Variants in SLC24A4 observed in about 807,000 individuals in gnomAD.
The protein encoded by SLC24A4 is sodium/potassium/calcium exchanger 4.
In SLC24A4, 53 loss-of-function variants were observed where a neutral mutation model predicts 79.0. The ratio of observed to expected loss-of-function variants is 0.67; its 90% confidence interval spans 0.54 to 0.84. The LOEUF is 0.84. Ranked by LOEUF, SLC24A4 falls within the 40% of genes least tolerant of loss-of-function variation. The pLI is 0.00. For synonymous variants in SLC24A4, 323 were observed against 323.8 expected, an observed-to-expected ratio of 1.00 and a Z score of 0.03; for missense variants, 731 against 822.0, an observed-to-expected ratio of 0.89 and a Z score of 1.35.
At chr14:92,351,236 G>GCGCGCA (rs112120101) in intron 2 of SLC24A4, among the ~76,000 whole-genome samples, 1 of 146,986 alleles carries the variant, frequency 6.8e-6, no homozygotes, top group African/African-American at 2.5e-5. Context: ...ACACATACAC[G>GCGCGCA]CACACACACA....
Position 92,323,658 on chromosome 14 carries a change from C to G in SLC24A4, c.-173C>G. 1 of 764,142 alleles carries G rather than the reference C, an allele frequency of 1.3e-6. No individual in the cohort carries two copies. Among genetic ancestry groups the G allele is most frequent in the South Asian group, 2.2e-5 (1 of 45,716 alleles). 47.3% of individuals were successfully genotyped at this position (764,142 alleles called of 1,614,324 possible). On this transcript the variant is annotated 5_prime_UTR_variant, in exon 1 of 17. Coordinates refer to ENST00000532405, the MANE Select transcript of SLC24A4 (RefSeq NM_153646.4). This position sits in a 1 kb window ranked among gnomAD's most constrained non-coding sequence, Gnocchi z 4.9. ...GGCCGCGTCGCGCGTCCCCACCTTC[C>G]CAAGGGGCTCCCCCGCCGACCTCGC...
chr14:92,340,275 G>A lies in SLC24A4; in HGVS notation c.241+14297G>A, dbSNP rs543988906. ...GGAGAGAAATCCCAGTCCTCAGTGA[G>A]CCCACAGGTTAGAGAATGAGGTAAA... On this transcript the variant is annotated intron_variant, in intron 2 of 16. Transcript: ENST00000532405. Among the ~76,000 whole-genome samples, 5 of 152,358 alleles carry A rather than the reference G, an allele frequency of 3.3e-5. No individual in the cohort carries two copies. The South Asian group carries it at 1.0e-3, about 32-fold the overall frequency.
At chr14:92,400,926 A>G (rs1338889876) in intron 2 of SLC24A4, among the ~76,000 whole-genome samples, 1 of 152,228 alleles carries the variant, frequency 6.6e-6, no homozygotes, top group Non-Finnish European at 1.5e-5. Flanking sequence ...GAAAGGCAGA[A>G]GATAAATTTC....
intron 2 of SLC24A4, among the ~76,000 whole-genome samples, chr14:92,351,590 C>T (rs1241508430): frequency 1.3e-5 from 2 of 152,232 alleles, no homozygotes; most frequent in Non-Finnish European, 2.9e-5. Flanking sequence ...GGGGCTGTGG[C>T]TCATGCATGT....
intron 9 of SLC24A4, among the ~76,000 whole-genome samples, chr14:92,448,742 G>A (rs1302802051): frequency 1.3e-5 from 2 of 152,112 alleles, no homozygotes; most frequent in African/African-American, 2.4e-5. Flanking sequence ...TGCCCCCTGC[G>A]AGCCTGCCCA....
chr14:92,377,689 T>C (rs890581217), intron 2 of SLC24A4, among the ~76,000 whole-genome samples: 8 of 152,064 alleles, frequency 5.3e-5, no homozygotes. Flanking sequence ...AGATCAGATA[T>C]GCTGGCTGCT....
chr14:92,493,714 C>CT lies in SLC24A4; in HGVS notation c.*87dup. On this transcript the variant is annotated 3_prime_UTR_variant, in exon 17 of 17. Transcript: ENST00000532405. Reference sequence around the variant, plus strand: ...CCCCTCCTTCCCCCACCACAGGTCTCTCCTGCATAGGCAGCCACTGTCCGT... The same window carrying CT: ...CCCCTCCTTCCCCCACCACAGGTCTCTTCCTGCATAGGCAGCCACTGTCCGT... 2.1e-6 allele frequency: 3 copies of CT among 1,457,324 alleles called. No homozygotes were observed. The highest frequency in any genetic ancestry group is 2.8e-6 in the Non-Finnish European group (3 of 1,072,092). The allele number at this position is 1,457,324 out of a possible 1,614,324, so 90.3% of individuals were successfully genotyped here.
Position 92,351,106 on chromosome 14 carries a change from A to G in SLC24A4, c.241+25128A>G, listed in dbSNP as rs559938680. On this transcript the variant is annotated intron_variant, in intron 2 of 16. Transcript: ENST00000532405. ...CTGTTGTTCATAAGCCACTCAATCTATGGTACTTTGTTACAGCAGCCCAAA... is the reference window on the plus strand; with the variant it reads ...CTGTTGTTCATAAGCCACTCAATCTGTGGTACTTTGTTACAGCAGCCCAAA... Among the ~76,000 whole-genome samples the G allele has an allele frequency of 2.6e-5, 4 of 152,304 alleles. No individual in the cohort carries two copies. The South Asian group carries it at 8.3e-4, about 32-fold the overall frequency.
intron 2 of SLC24A4, among the ~76,000 whole-genome samples, chr14:92,380,963 G>A (rs1431595591): frequency 6.6e-6 from 1 of 152,160 alleles, no homozygotes; most frequent in Middle Eastern, 3.2e-3. Context: ...GTTCAGGAGT[G>A]AACAGCCCTG....
chr14:92,390,210 C>G (rs140314558), intron 2 of SLC24A4, among the ~76,000 whole-genome samples: 1 of 151,998 alleles, frequency 6.6e-6, no homozygotes, highest in Admixed American at 6.6e-5. Flanking sequence ...GGTGTCTCCC[C>G]GCCAGGGCTG....
chr14:92,354,230 G>A (rs1235641961), intron 2 of SLC24A4, among the ~76,000 whole-genome samples: 8 of 151,360 alleles, frequency 5.3e-5, no homozygotes, highest in African/African-American at 9.7e-5. Flanking sequence ...GCAGTGGCGC[G>A]ATCTCCGCCT....
At chr14:92,407,443 C>T (rs987352447) in intron 2 of SLC24A4, among the ~76,000 whole-genome samples, 1 of 152,098 alleles carries the variant, frequency 6.6e-6, no homozygotes, top group African/African-American at 2.4e-5. Context: ...CTCTTGATGC[C>T]AATTTTCTGT....
chr14:92,375,867 G>A (rs1299780260), intron 2 of SLC24A4, among the ~76,000 whole-genome samples: 1 of 152,116 alleles, frequency 6.6e-6, no homozygotes, highest in Non-Finnish European at 1.5e-5. Context: ...ATTTTGTGAT[G>A]AGGAAAATAT....
At chr14:92,446,178 T>A (rs79142566) in intron 8 of SLC24A4, among the ~76,000 whole-genome samples, 2,320 of 125,404 alleles carry the variant, frequency 0.019, 64 homozygotes, top group African/African-American at 0.07. Flanking sequence ...CATTCTATGT[T>A]TTTTTTTTTT....
At position 92,353,040 on chromosome 14, in the gene SLC24A4, A is replaced by G. The variant is rs1886979372; in HGVS notation, c.241+27062A>G. Among the ~76,000 whole-genome samples the G allele has an allele frequency of 6.6e-6, 1 of 152,230 alleles. No homozygotes were observed. Among genetic ancestry groups the G allele is most frequent in the African/African-American group, 2.4e-5 (1 of 41,474 alleles). ...AATGTTTTCATATGATTCAAAATTC[A>G]AAAAGCACTGGAGATGATAAAATAA... On this transcript the variant is annotated intron_variant, in intron 2 of 16. Coordinates refer to ENST00000532405, the MANE Select transcript of SLC24A4 (RefSeq NM_153646.4). This position sits in a 1 kb window ranked among gnomAD's most constrained non-coding sequence, Gnocchi z 4.1.
intron 2 of SLC24A4, among the ~76,000 whole-genome samples, chr14:92,382,278 T>C (rs560575543): frequency 3.3e-5 from 5 of 152,218 alleles, no homozygotes; most frequent in African/African-American, 1.2e-4. Flanking sequence ...TTATCAAACA[T>C]ATATATATGT....
chr14:92,426,698 A>C (rs550077585), intron 2 of SLC24A4, among the ~76,000 whole-genome samples: 1 of 152,188 alleles, frequency 6.6e-6, no homozygotes, highest in African/African-American at 2.4e-5. Context: ...AGATGTTCCA[A>C]CTGTTGCCCA....
At chr14:92,432,549 C>G (rs989270101) in intron 2 of SLC24A4, among the ~76,000 whole-genome samples, 13 of 152,154 alleles carry the variant, frequency 8.5e-5, no homozygotes, top group Non-Finnish European at 1.5e-4. Context: ...CGAGTCTCTC[C>G]CTATGTAATT....
chr14:92,349,454 C>T (rs1415810163), intron 2 of SLC24A4, among the ~76,000 whole-genome samples: 2 of 152,224 alleles, frequency 1.3e-5, no homozygotes, highest in Non-Finnish European at 2.9e-5. Flanking sequence ...GCCACCGTGC[C>T]CAGCCTAGAA....
Sources: gnomAD v4.1 joint callset for allele counts (sites outside exome capture counted in the v4.1 genomes callset) on GRCh38, gnomAD v4.1.1 for gene constraint, Gnocchi (gnomAD v3.1) non-coding constraint, MANE v1.5 for transcripts, NCBI Gene and HGNC (gene_info 2026-07-23, HGNC 2026-07-21) for gene names.